The following GLIS3 variants were observed in gnomAD, a reference collection of about 807,000 sequenced individuals.
GLIS3 encodes the protein GLIS family zinc finger 3.
Under a neutral mutation model 78.6 loss-of-function variants are expected in GLIS3, and 53 were observed. The observed-to-expected ratio is 0.67, with a 90% CI of 0.54 to 0.85. The LOEUF is 0.85. Ranked by LOEUF, GLIS3 falls within the 40% of genes least tolerant of loss-of-function variation. The pLI is 0.00. For missense variants in GLIS3, 1,703 were observed against 1,231.1 expected (o/e 1.38, Z -5.74); for synonymous variants, 684 against 509.9 (o/e 1.34, Z -4.60).
chr9:3,978,469 G>A (rs961747015), intron 4 of GLIS3, among the ~76,000 whole-genome samples: 9 of 151,672 alleles, frequency 5.9e-5, no homozygotes, highest in African/African-American at 2.2e-4. Context: ...AATAATATGG[G>A]TATTATTTTC....
chr9:4,347,493 T>A (rs1167624556), intron 1 of GLIS3, among the ~76,000 whole-genome samples: 1 of 152,202 alleles, frequency 6.6e-6, no homozygotes, highest in Non-Finnish European at 1.5e-5. Flanking sequence ...AAATGCAGAT[T>A]CCTACACCCA....
chr9:4,393,002 C>T, the GLIS3 span, among the ~76,000 whole-genome samples: 1 of 151,828 alleles, frequency 6.6e-6, no homozygotes, highest in African/African-American at 2.4e-5. Context: ...TTTACCCGAT[C>T]CCCCAATCCC....
chr9:3,932,418 C>T lies in GLIS3; in HGVS notation c.1925G>A (p.Ser642Asn). The stretch of plus-strand genomic sequence containing the variant: ...TGCCTTCACATGCTTTCTTAGGGAA[C>T]TTGGGTCTGTGTAGCGTTTGGTACA... ...PGCTKRYTDP[S>N]SLRKHVKAHS... Residue 642 changes from serine (S) to asparagine (N), a missense_variant, in exon 6 of 11, where the codon AGT becomes AAT. Coordinates refer to ENST00000381971, the MANE Select transcript of GLIS3 (RefSeq NM_001042413.2). The T allele has an allele frequency of 1.2e-6, 2 of 1,613,854 alleles. No individual in the cohort carries two copies. The highest frequency in any genetic ancestry group is 1.7e-6 in the Non-Finnish European group (2 of 1,179,868).
intron 2 of GLIS3, among the ~76,000 whole-genome samples, chr9:4,263,924 T>G (rs1441241414): frequency 5.3e-5 from 8 of 152,158 alleles, no homozygotes; most frequent in African/African-American, 1.7e-4. Flanking sequence ...ATTTTCTCCA[T>G]CCTCACTCCC....
At chr9:3,895,175 G>T (rs1041025674) in intron 7 of GLIS3, among the ~76,000 whole-genome samples, 1 of 152,204 alleles carries the variant, frequency 6.6e-6, no homozygotes, top group African/African-American at 2.4e-5. Context: ...CATCACAGGT[G>T]TTCACCAGAA....
At chr9:4,389,373 G>A in the GLIS3 span, among the ~76,000 whole-genome samples, 80 of 152,260 alleles carry the variant, frequency 5.3e-4, 1 homozygote, top group African/African-American at 8.9e-4. Flanking sequence ...AATGTAGGGC[G>A]TGACATGACT....
At chr9:4,379,323 TTGGC>T in the GLIS3 span, among the ~76,000 whole-genome samples, 1 of 152,328 alleles carries the variant, frequency 6.6e-6, no homozygotes, top group Non-Finnish European at 1.5e-5. Context: ...TAATAGGGGT[TTGGC>T]AAAACACCAT....
the GLIS3 span, among the ~76,000 whole-genome samples, chr9:4,413,206 G>T: frequency 6.6e-6 from 1 of 152,122 alleles, no homozygotes; most frequent in African/African-American, 2.4e-5. Flanking sequence ...AGAGATTTTG[G>T]ATATACATTT....
the GLIS3 span, among the ~76,000 whole-genome samples, chr9:4,374,058 G>T: frequency 6.6e-6 from 1 of 152,212 alleles, no homozygotes; most frequent in Non-Finnish European, 1.5e-5. Flanking sequence ...GCAACGAATG[G>T]AATAGGTAAT....
intron 4 of GLIS3, among the ~76,000 whole-genome samples, chr9:3,991,762 C>T (rs890970300): frequency 7.2e-6 from 1 of 139,486 alleles, no homozygotes; most frequent in South Asian, 2.3e-4. Flanking sequence ...GGGATCTCGG[C>T]TCACTGCAAG....
chr9:4,136,606 G>C (rs1275194293), intron 2 of GLIS3, among the ~76,000 whole-genome samples: 2 of 152,148 alleles, frequency 1.3e-5, no homozygotes, highest in Non-Finnish European at 2.9e-5. Context: ...GCATTCTAAG[G>C]AATACCCTTT....
At chr9:3,975,058 A>C (rs1217409116) in intron 4 of GLIS3, 1 of 152,090 alleles carries the variant, frequency 6.6e-6, no homozygotes, top group African/African-American at 2.4e-5. Flanking sequence ...AAAAGATTAG[A>C]ATTTCTGGGG....
At chr9:3,969,360 G>A (rs997756144) in intron 4 of GLIS3, among the ~76,000 whole-genome samples, 4 of 152,004 alleles carry the variant, frequency 2.6e-5, no homozygotes, top group Non-Finnish European at 5.9e-5. Context: ...TGTGCTATAC[G>A]TTCCCTACAC....
chr9:4,377,210 T>A, the GLIS3 span, among the ~76,000 whole-genome samples: 1 of 134,934 alleles, frequency 7.4e-6, no homozygotes, highest in African/African-American at 2.6e-5. Context: ...GGAAGACCCA[T>A]CCTCGATGTG....
At chr9:4,308,916 T>C (rs918731188) in exon 4 of GLIS3, 9 of 152,246 alleles carry the variant, frequency 5.9e-5, no homozygotes, top group African/African-American at 2.2e-4. Context: ...CCACATTTAA[T>C]AGCTGAGCAA....
intron 2 of GLIS3, among the ~76,000 whole-genome samples, chr9:4,141,228 A>G (rs982239750): frequency 6.6e-6 from 1 of 152,168 alleles, no homozygotes; most frequent in East Asian, 1.9e-4. Flanking sequence ...GGAGAGAGAG[A>G]GGTGGGATTG....
chr9:4,137,151 T>A (rs1238803286), intron 2 of GLIS3, among the ~76,000 whole-genome samples: 1 of 152,142 alleles, frequency 6.6e-6, no homozygotes, highest in African/African-American at 2.4e-5. Context: ...AGAGTAAGGA[T>A]TTTATAATTA....
chr9:4,255,563 G>C (rs1189433844), intron 2 of GLIS3, among the ~76,000 whole-genome samples: 1 of 152,180 alleles, frequency 6.6e-6, no homozygotes, highest in Non-Finnish European at 1.5e-5. Context: ...GCCATGACAA[G>C]ATATGTAGAA....
At chr9:4,378,217 T>A in the GLIS3 span, among the ~76,000 whole-genome samples, 1 of 152,164 alleles carries the variant, frequency 6.6e-6, no homozygotes, top group Admixed American at 6.5e-5. Context: ...TATATATATA[T>A]AATTAATCCT....
Sources: gnomAD v4.1 joint callset for allele counts (sites outside exome capture counted in the v4.1 genomes callset) on GRCh38, gnomAD v4.1.1 for gene constraint, MANE v1.5 for transcripts, NCBI Gene and HGNC (gene_info 2026-07-23, HGNC 2026-07-21) for gene names.